Variants in LAMA1 observed in about 807,000 individuals in gnomAD.
LAMA1 encodes laminin subunit alpha-1.
In LAMA1, 219 loss-of-function variants were observed where a neutral mutation model predicts 348.7. The observed-to-expected ratio is 0.63, with a 90% CI of 0.56 to 0.70. The LOEUF (loss-of-function observed/expected upper bound fraction) is 0.70, where lower values mean the gene tolerates loss of function less well. Ranked by LOEUF, LAMA1 falls within the 30% of genes least tolerant of loss-of-function variation. The pLI is 0.00. For missense variants in LAMA1, 3,744 were observed against 3,888.0 expected (o/e 0.96, Z 0.99); for synonymous variants, 1,487 against 1,491.0 (o/e 1.00, Z 0.06).
intron 4 of LAMA1, 133 bp from the exon 5 acceptor site, chr18:7,049,390 C>G (rs1321969377): frequency 2.6e-6 from 2 of 760,642 alleles, no homozygotes; most frequent in East Asian, 2.8e-5. Context: ...ACCTCCACCT[C>G]CCAGGTTCAA....
At chr18:7,085,594 ATTT>A (rs2058212859) in intron 1 of LAMA1, among the ~76,000 whole-genome samples, 1 of 151,228 alleles carries the variant, frequency 6.6e-6, no homozygotes, top group African/African-American at 2.4e-5. Context: ...AATTTTTTGT[ATTT>A]TTAGTAGAGA....
At chr18:6,970,629 T>C (rs2057653749) in intron 48 of LAMA1, among the ~76,000 whole-genome samples, 1 of 147,648 alleles carries the variant, frequency 6.8e-6, no homozygotes, top group East Asian at 2.0e-4. Context: ...GGTCCTAACT[T>C]TTTTTTTTTT....
At chr18:7,070,486 T>A (rs1537421) in intron 3 of LAMA1, among the ~76,000 whole-genome samples, 1 of 152,206 alleles carries the variant, frequency 6.6e-6, no homozygotes, top group Non-Finnish European at 1.5e-5. Context: ...GCTTAATAAA[T>A]ACTTTATATT....
chr18:7,085,492 C>A (rs1598312084), intron 1 of LAMA1, among the ~76,000 whole-genome samples: 1 of 143,380 alleles, frequency 7.0e-6, no homozygotes, highest in East Asian at 2.1e-4. Context: ...GATCTCCGCT[C>A]ACTGCAAGCT....
At position 7,011,428 on chromosome 18, in the gene LAMA1, A is replaced by G. The variant is rs141269552; in HGVS notation, c.3559T>C (p.Leu1187=). The G allele has an allele frequency of 3.8e-4, 608 of 1,608,732 alleles. 2 individuals carry two copies. The African/African-American group carries it at 7.3e-3, about 19-fold the overall frequency. Residue 1187 remains leucine (L), a synonymous_variant, in exon 25 of 63, where the codon TTG becomes CTG. Transcript: ENST00000389658. ...TAAACCCCCTCGGTCGTGCCCCTCA[A>G]GTTACTCTGAGAAACCACACGCAGA... ...PLLRVVSQSN[L]RGTTEGVYYQ...
chr18:6,942,682 G>A lies in LAMA1; in HGVS notation c.9068-443C>T, dbSNP rs371834991. ...ACCCACCTTGGCCTCCCAAAGTGCC[G>A]GGATTATAGGTGTAAGCCACCGCAC... On this transcript the variant is annotated intron_variant, in intron 62 of 62. Transcript: ENST00000389658. 7.9e-5 allele frequency among the ~76,000 whole-genome samples: 12 copies of A among 152,202 alleles called. No individual in the cohort carries two copies. The South Asian group carries it at 1.9e-3, about 24-fold the overall frequency.
In LAMA1 at chr18:7,107,339, C is replaced by T. The variant is rs575084844; in HGVS notation, c.61+10321G>A. ...TTCACTGTGTTAGCCAGGATGGTCT[C>T]CATCTCCTGACCTCGTGATCCACCC... On this transcript the variant is annotated intron_variant, in intron 1 of 62. Transcript: ENST00000389658. 3.9e-5 allele frequency among the ~76,000 whole-genome samples: 6 copies of T among 152,108 alleles called. No individual in the cohort carries two copies. In the South Asian group the frequency reaches 1.0e-3, roughly 26 times the overall value.
At chr18:7,084,354 CCAAGAAG>C (rs1010509075) in intron 1 of LAMA1, among the ~76,000 whole-genome samples, 6 of 151,930 alleles carry the variant, frequency 3.9e-5, no homozygotes, top group African/African-American at 1.5e-4. Context: ...CAGGACAGTA[CCAAGAAG>C]CTATGTTTGG....
chr18:7,077,926 C>G (rs901322950), intron 3 of LAMA1, among the ~76,000 whole-genome samples: 1 of 151,126 alleles, frequency 6.6e-6, no homozygotes, highest in Non-Finnish European at 1.5e-5. Context: ...ATCAGAAGTT[C>G]GAGACCACAC....
chr18:6,955,204 T>C (rs1167697830), intron 57 of LAMA1, 149 bp downstream of exon 57: 5 of 698,806 alleles, frequency 7.2e-6, no homozygotes, highest in African/African-American at 7.0e-5. Context: ...GCACCAACAC[T>C]GAATTCCTTC....
intron 30 of LAMA1, among the ~76,000 whole-genome samples, chr18:7,001,366 TAC>T (rs2057806992): frequency 6.6e-6 from 1 of 152,188 alleles, no homozygotes; most frequent in African/African-American, 2.4e-5. Flanking sequence ...CATCCATCTT[TAC>T]ACACACATGC....
chr18:7,098,686 C>T lies in LAMA1; in HGVS notation c.62-18229G>A, dbSNP rs1252572419. On this transcript the variant is annotated intron_variant, in intron 1 of 62. Coordinates refer to ENST00000389658, the MANE Select transcript of LAMA1 (RefSeq NM_005559.4). ...CAGTCTGGGAAGTGAGGAGCGTCTCCGCCCGGCAGCCACCCCATCCGGGAG... is the reference window on the plus strand; with the variant it reads ...CAGTCTGGGAAGTGAGGAGCGTCTCTGCCCGGCAGCCACCCCATCCGGGAG... Among the ~76,000 whole-genome samples the T allele has an allele frequency of 6.1e-5, 9 of 148,082 alleles. No homozygotes were observed. In the East Asian group the frequency reaches 1.2e-3, roughly 20 times the overall value.
In LAMA1 at chr18:6,976,605, T is replaced by C. The variant is rs182662096; in HGVS notation, c.6346-525A>G. Among the ~76,000 whole-genome samples the C allele has an allele frequency of 8.1e-3, 1,226 of 151,304 alleles. 23 individuals carry two copies. Among genetic ancestry groups the C allele is most frequent in the African/African-American group, 0.029 (1,187 of 41,270 alleles). Reference sequence around the variant, plus strand: ...TTGGGCTTATATTTATTTATTTATTTATTTATTTATTTATTTATTTATTTA... The same window carrying C: ...TTGGGCTTATATTTATTTATTTATTCATTTATTTATTTATTTATTTATTTA... On this transcript the variant is annotated intron_variant, in intron 44 of 62. Transcript: ENST00000389658.
chr18:6,952,556 G>C (rs1178334400), intron 57 of LAMA1, among the ~76,000 whole-genome samples: 3 of 152,192 alleles, frequency 2.0e-5, no homozygotes, highest in Non-Finnish European at 4.4e-5. Context: ...TTGCGGTTTT[G>C]CCTTCCAAGG....
chr18:7,059,721 C>T (rs2058095382), intron 3 of LAMA1, among the ~76,000 whole-genome samples: 3 of 152,132 alleles, frequency 2.0e-5, no homozygotes, highest in South Asian at 4.1e-4. Context: ...GGCATGACTC[C>T]GGTCTGAAAA....
chr18:6,980,679 C>CA (rs1568016794), intron 41 of LAMA1, 42 bp from the exon 42 acceptor site: 3 of 1,309,978 alleles, frequency 2.3e-6, no homozygotes, highest in East Asian at 2.3e-5. Flanking sequence ...GGTTAGCCTA[C>CA]AAAAAAGTTG....
intron 59 of LAMA1, 90 bp downstream of exon 59, chr18:6,949,011 T>C: frequency 6.6e-7 from 1 of 1,521,784 alleles, no homozygotes; most frequent in South Asian, 1.2e-5. Context: ...CAAGGTAATT[T>C]AAACATAAAG....
chr18:6,943,256 T>C lies in LAMA1; in HGVS notation c.8991A>G (p.Ala2997=), dbSNP rs758518694. Residue 2997 remains alanine, a synonymous_variant, in exon 62 of 63, where the codon GCA becomes GCG. Transcript: ENST00000389658. ...HRITLIVDGN[A]VGAESPHTQS... is the part of the protein sequence containing the mutation. ...GGGTGTGTGGACTTTCAGCGCCAAC[T>C]GCGTTCCCGTCAACAATCAGAGTGA... 6 of 1,614,204 alleles carry C rather than the reference T, an allele frequency of 3.7e-6. No homozygotes were observed. In the East Asian group the frequency reaches 6.7e-5, roughly 18 times the overall value.
intron 54 of LAMA1, 130 bp downstream of exon 54, chr18:6,959,211 G>C: frequency 8.5e-7 from 1 of 1,170,518 alleles, no homozygotes; most frequent in Non-Finnish European, 1.3e-6. Flanking sequence ...TCCTAGCAAG[G>C]TTCTAGAATC....
Sources: allele counts gnomAD v4.1 joint callset (sites outside exome capture counted in the v4.1 genomes callset), GRCh38; gene constraint gnomAD v4.1.1; transcripts MANE v1.5; gene names NCBI Gene and HGNC (gene_info 2026-07-23, HGNC 2026-07-21).